USP6: variants seen among roughly 807,000 people sequenced by gnomAD.
USP6 encodes the protein ubiquitin carboxyl-terminal hydrolase 6.
USP6 carries 128 observed loss-of-function variants against 175.7 expected under a neutral mutation model. That is an observed-to-expected ratio of 0.73 (90% CI 0.63 to 0.84). The LOEUF is 0.84. USP6 is among the 40% of genes least tolerant of loss of function. USP6 has a pLI of 0.00. For synonymous variants in USP6, 562 were observed against 630.6 expected, an observed-to-expected ratio of 0.89 and a Z score of 1.63; for missense variants, 1,498 against 1,760.3, an observed-to-expected ratio of 0.85 and a Z score of 2.67.
At chr17:5,159,290 T>G (rs570994434) in intron 31 of USP6, among the ~76,000 whole-genome samples, 23 of 152,266 alleles carry the variant, frequency 1.5e-4, no homozygotes, top group African/African-American at 5.5e-4. Context: ...ATTGAGATTT[T>G]GGAGGTAGAA....
rs563232102 is a variant in USP6 at position 5,173,057 on chromosome 17, T to A, written c.*79T>A. 48 of 1,522,878 alleles carry A rather than the reference T, an allele frequency of 3.2e-5. No individual in the cohort carries two copies. The African/African-American group carries it at 6.1e-4, about 19-fold the overall frequency. The allele number at this position is 1,522,878 out of a possible 1,614,324, so 94.3% of individuals were successfully genotyped here. On this transcript the variant is annotated 3_prime_UTR_variant, in exon 38 of 38. Transcript: ENST00000574788. ...AGCTGATACTTGGCAAAAGTGTCAC[T>A]GAAAGACAAGCTAAATGTAGTTATT...
At chr17:5,137,347 A>G (rs1229498299) in intron 19 of USP6, among the ~76,000 whole-genome samples, 161 bp downstream of exon 19, 6 of 152,194 alleles carry the variant, frequency 3.9e-5, no homozygotes, top group African/African-American at 1.4e-4. Context: ...GGGTCATCCC[A>G]GGGCAATGGC....
intron 33 of USP6, 53 bp downstream of exon 33, chr17:5,163,057 C>T: frequency 6.6e-7 from 1 of 1,504,410 alleles, no homozygotes; most frequent in East Asian, 2.5e-5. Flanking sequence ...GAAATTTCCC[C>T]CAGTGTAACT....
intron 36 of USP6, 86 bp from the exon 37 acceptor site, chr17:5,171,501 G>A (rs555935084): frequency 7.9e-7 from 1 of 1,270,346 alleles, no homozygotes; most frequent in African/African-American, 1.5e-5. Context: ...TACATGATCA[G>A]TGTTCTCCTG....
intron 31 of USP6, among the ~76,000 whole-genome samples, chr17:5,159,761 A>C (rs2073966517): frequency 6.6e-6 from 1 of 152,056 alleles, no homozygotes; most frequent in African/African-American, 2.4e-5. Flanking sequence ...CCAGGAGTTC[A>C]AGACCAGGCT....
Position 5,168,007 on chromosome 17 carries a change from C to G in USP6, c.3112C>G (p.Arg1038Gly). 1 of 1,611,956 alleles carries G rather than the reference C, an allele frequency of 6.2e-7. No individual in the cohort carries two copies. Among genetic ancestry groups the G allele is most frequent in the Non-Finnish European group, 8.5e-7 (1 of 1,179,842 alleles). Reference protein sequence around the residue: ...AEPINLDSCLRAFTSEEELGE... With the variant: ...AEPINLDSCLGAFTSEEELGE... ...GCCCATCAACCTGGACAGCTGTCTC[C>G]GTGCTTTCACCAGTGAGGAAGAGCT... is the stretch of plus-strand genomic sequence containing the variant. The change falls in exon 34 of 38, where the codon CGT (arginine) becomes GGT (glycine). Residue 1038 changes from arginine (R) to glycine (G), a missense_variant. Around this residue, in one of 2 missense-constraint regions of USP6, gnomAD observed 1,217 missense variants for 1,500.8 expected, o/e 0.81. Coordinates refer to ENST00000574788, the MANE Select transcript of USP6 (RefSeq NM_001304284.2).
In USP6 at chr17:5,168,956, G is replaced by A; in HGVS notation, c.3418G>A (p.Val1140Met). Residue 1140 changes from valine to methionine, a missense_variant, in exon 35 of 38, where the codon GTG (valine) becomes ATG (methionine). Physicochemically the swap from Val to Met is conservative, Grantham distance 21. This residue lies in a region of USP6 where 1,217 missense variants were observed against 1,500.8 expected (regional missense o/e 0.81). Coordinates refer to ENST00000574788, the MANE Select transcript of USP6 (RefSeq NM_001304284.2). ...LSKPRILARE[V>M]KKVDAQSSAG... The stretch of plus-strand genomic sequence containing the variant: ...CAAGCCCAGGATTCTGGCAAGAGAG[G>A]TGAAGAAAGTGGATGCGCAGAGTTC... The A allele has an allele frequency of 6.2e-7, 1 of 1,614,002 alleles. No homozygotes were observed. Among genetic ancestry groups the A allele is most frequent in the Non-Finnish European group, 8.5e-7 (1 of 1,179,866 alleles).
Position 5,142,038 on chromosome 17 carries a change from C to G in USP6, c.1609C>G (p.Leu537Val). 1 of 1,613,758 alleles carries G rather than the reference C, an allele frequency of 6.2e-7. No individual in the cohort carries two copies. Among genetic ancestry groups the G allele is most frequent in the South Asian group, 1.1e-5 (1 of 91,036 alleles). ...AAAGGGAGCCACAGGTCTAAGCAAC[C>G]TGGGAAACACATGCTTCATGAACTC... ...TEKGATGLSN[L>V]GNTCFMNSSI... The change falls in exon 24 of 38, where the codon CTG becomes GTG. Residue 537 changes from leucine (L) to valine (V), a missense_variant. By Grantham distance (32) the Leu-to-Val change is conservative. Coordinates refer to ENST00000574788, the MANE Select transcript of USP6 (RefSeq NM_001304284.2).
At chr17:5,148,473 T>A in intron 29 of USP6, 83 bp from the exon 30 acceptor site, 1 of 1,497,130 alleles carries the variant, frequency 6.7e-7, no homozygotes, top group South Asian at 1.2e-5. Flanking sequence ...CTACACTGTC[T>A]CTCGTCCTCA....
At chr17:5,137,507 T>C in intron 19 of USP6, 144 bp from the exon 20 acceptor site, 1 of 879,572 alleles carries the variant, frequency 1.1e-6, no homozygotes, top group South Asian at 1.5e-5. Context: ...GCAAGACCTT[T>C]TCTGACTCAG....
At chr17:5,139,766 T>G in intron 22 of USP6, 92 bp downstream of exon 22, 4 of 1,596,068 alleles carry the variant, frequency 2.5e-6, no homozygotes, top group Non-Finnish European at 3.4e-6. Flanking sequence ...CCGGGATACC[T>G]CCTTTGCAGC....
At chr17:5,167,572 C>T (rs2074120485) in intron 33 of USP6, among the ~76,000 whole-genome samples, 2 of 152,176 alleles carry the variant, frequency 1.3e-5, no homozygotes, top group South Asian at 4.1e-4. Flanking sequence ...AGTGCAGTGG[C>T]GTAATCACAG....
In USP6 at chr17:5,116,929, A is replaced by C. The variant is rs185467807; in HGVS notation, c.-1928+189A>C. On this transcript the variant is annotated intron_variant, in intron 1 of 37. Transcript: ENST00000574788. Reference sequence around the variant, plus strand: ...GGAGGGAGCAATCTTCACAGAGGGAACAGCTCGTGGAAAGGCCACAGGGCA... The same window carrying C: ...GGAGGGAGCAATCTTCACAGAGGGACCAGCTCGTGGAAAGGCCACAGGGCA... 1.4e-3 allele frequency among the ~76,000 whole-genome samples: 206 copies of C among 152,342 alleles called. 3 individuals are homozygous for C. The highest frequency in any genetic ancestry group is 3.5e-4 in the Non-Finnish European group (24 of 68,028).
intron 4 of USP6, among the ~76,000 whole-genome samples, 194 bp downstream of exon 4, chr17:5,121,944 T>C (rs944090210): frequency 3.9e-5 from 6 of 152,088 alleles, no homozygotes; most frequent in South Asian, 4.1e-4. Context: ...AGCGTCTGGA[T>C]TAGATCACGT....
At chr17:5,169,419 CTTTT>C (rs959301769) in intron 35 of USP6, among the ~76,000 whole-genome samples, 3 of 151,996 alleles carry the variant, frequency 2.0e-5, no homozygotes, top group African/African-American at 7.2e-5. Flanking sequence ...ATCAAAACTC[CTTTT>C]TTATTTATTT....
At chr17:5,137,079 G>A in intron 18 of USP6, 42 bp from the exon 19 acceptor site, 1 of 1,606,726 alleles carries the variant, frequency 6.2e-7, no homozygotes, top group South Asian at 1.1e-5. Context: ...AGGTTTTTAG[G>A]GCAGCCCAGG....
At chr17:5,134,946 C>T in intron 15 of USP6, 1 of 389,994 alleles carries the variant, frequency 2.6e-6, no homozygotes, top group Non-Finnish European at 4.9e-6. Context: ...GGTTTGGAAC[C>T]ATGGAGGAAC....
intron 18 of USP6, 50 bp downstream of exon 18, chr17:5,136,784 G>T (rs758179517): frequency 6.3e-6 from 10 of 1,598,560 alleles, no homozygotes; most frequent in Non-Finnish European, 8.6e-6. Context: ...CCTCCTGTGG[G>T]GCTGTAGGAG....
intron 15 of USP6, chr17:5,134,857 T>C (rs1003395738): frequency 4.2e-5 from 14 of 334,676 alleles, no homozygotes; most frequent in South Asian, 3.0e-4. Flanking sequence ...GCTGGGTGCA[T>C]AGGGGAAACC....
Sources: allele counts gnomAD v4.1 joint callset (sites outside exome capture counted in the v4.1 genomes callset), GRCh38; gene constraint gnomAD v4.1.1; regional missense constraint gnomAD v4.1.1; transcripts MANE v1.5; gene names NCBI Gene and HGNC (gene_info 2026-07-23, HGNC 2026-07-21).